Variants in MEAK7 observed in about 807,000 individuals in gnomAD.
MEAK7 encodes the protein MTOR-associated protein MEAK7.
A neutral mutation model predicts 40.5 loss-of-function variants in MEAK7; 68 were observed. The observed-to-expected ratio is 1.68, with a 90% CI of 1.38 to 2.06. MEAK7 has a LOEUF of 2.06. Among genes scored for constraint, MEAK7 ranks in the 30% most tolerant of loss-of-function variants. MEAK7 has a pLI of 0.00. For missense variants in MEAK7, 918 were observed against 580.5 expected, an observed-to-expected ratio of 1.58 and a Z score of -5.98; for synonymous variants, 338 against 231.9, an observed-to-expected ratio of 1.46 and a Z score of -4.16.
intron 5 of MEAK7, among the ~76,000 whole-genome samples, chr16:84,484,566 C>T (rs1290975118): frequency 6.6e-6 from 1 of 152,166 alleles, no homozygotes; most frequent in African/African-American, 2.4e-5. Context: ...TTTCCTCAAG[C>T]AAAAACACTC....
intron 1 of MEAK7, among the ~76,000 whole-genome samples, chr16:84,500,207 A>G (rs552434813): frequency 3.9e-4 from 60 of 152,186 alleles, no homozygotes; most frequent in African/African-American, 1.3e-3. Flanking sequence ...TTGCTTATCC[A>G]TCATTAGCTG....
In MEAK7 at chr16:84,501,105, GAA is replaced by G. The variant is rs35447624; in HGVS notation, c.-25-2996_-25-2995del. Among the ~76,000 whole-genome samples, 769 of 103,646 alleles carry G rather than the reference GAA, an allele frequency of 7.4e-3. 5 individuals are homozygous for G. Among genetic ancestry groups the G allele is most frequent in the African/African-American group, 0.019 (502 of 26,062 alleles). 68.0% of individuals were successfully genotyped at this position (103,646 alleles called of 152,430 possible). A position where few individuals can be genotyped will look rare whatever the true frequency, so the allele number is the denominator to read the frequency against. ...GTTAGACTCGTCTCAAAAAAAAAAA[GAA>G]AAAAAAAAAAAAAAAAAAGAGGGGA... On this transcript the variant is annotated intron_variant, in intron 1 of 7. Coordinates refer to ENST00000343629, the MANE Select transcript of MEAK7 (RefSeq NM_020947.4).
chr16:84,492,738 C>A (rs1043685759), intron 3 of MEAK7, among the ~76,000 whole-genome samples: 1 of 152,060 alleles, frequency 6.6e-6, no homozygotes, highest in African/African-American at 2.4e-5. Flanking sequence ...TGTGCCACCA[C>A]GCCTGGCCAA....
intron 3 of MEAK7, among the ~76,000 whole-genome samples, chr16:84,493,579 T>A (rs568333817): frequency 6.6e-6 from 1 of 152,358 alleles, no homozygotes; most frequent in South Asian, 2.1e-4. Flanking sequence ...ATTTACAGCT[T>A]TTAACAATTA....
At chr16:84,482,329 C>A (rs1250423673) in intron 6 of MEAK7, among the ~76,000 whole-genome samples, 1 of 152,228 alleles carries the variant, frequency 6.6e-6, no homozygotes. Flanking sequence ...CATCTGAGGG[C>A]CAGAAAAATG....
At position 84,479,830 on chromosome 16, in the gene MEAK7, T is replaced by G; in HGVS notation, c.*83A>C. The G allele has an allele frequency of 2.9e-6, 3 of 1,047,546 alleles. No individual in the cohort carries two copies. The highest frequency in any genetic ancestry group is 4.1e-6 in the Non-Finnish European group (3 of 729,172). 64.9% of individuals were successfully genotyped at this position (1,047,546 alleles called of 1,614,324 possible). On this transcript the variant is annotated 3_prime_UTR_variant, in exon 8 of 8. Transcript: ENST00000343629. ...GCGGTACGCTATTACAGTTAAACCA[T>G]GTGGGAGGGAAGAGGGGCTGCAGGC... is the stretch of plus-strand genomic sequence containing the variant.
intron 1 of MEAK7, among the ~76,000 whole-genome samples, chr16:84,499,684 G>A (rs577881459): frequency 3.3e-5 from 5 of 152,194 alleles, no homozygotes; most frequent in South Asian, 2.1e-4. Context: ...ACATGCCCTG[G>A]CCATCACCCG....
chr16:84,483,324 AC>A (rs1371283204), intron 5 of MEAK7, among the ~76,000 whole-genome samples: 1 of 152,006 alleles, frequency 6.6e-6, no homozygotes, highest in African/African-American at 2.4e-5. Context: ...AGACTCCTCC[AC>A]TCCATAAGCA....
intron 3 of MEAK7, among the ~76,000 whole-genome samples, chr16:84,490,106 G>A (rs1597945996): frequency 6.6e-6 from 1 of 152,192 alleles, no homozygotes; most frequent in Admixed American, 6.5e-5. Flanking sequence ...TACAAACTGT[G>A]TGAGCGTGTG....
intron 2 of MEAK7, chr16:84,497,008 A>AT: frequency 6.0e-6 from 1 of 167,570 alleles, no homozygotes; most frequent in South Asian, 1.5e-4. Flanking sequence ...CTCAGCATGT[A>AT]TTTTTCATTC....
At chr16:84,496,330 A>ATCAGACAT (rs748024724) in intron 2 of MEAK7, among the ~76,000 whole-genome samples, 3 of 152,154 alleles carry the variant, frequency 2.0e-5, no homozygotes, top group Non-Finnish European at 2.9e-5. Flanking sequence ...CCCTGTGCAA[A>ATCAGACAT]TCAGACATCG....
chr16:84,489,794 G>C (rs114268579), intron 3 of MEAK7, among the ~76,000 whole-genome samples: 4 of 152,108 alleles, frequency 2.6e-5, no homozygotes, highest in African/African-American at 9.7e-5. Flanking sequence ...TGAGATCTAA[G>C]GTTTATTTTG....
At chr16:84,498,426 G>A (rs1027939877) in intron 1 of MEAK7, among the ~76,000 whole-genome samples, 4 of 150,930 alleles carry the variant, frequency 2.7e-5, no homozygotes, top group African/African-American at 9.9e-5. Flanking sequence ...ACACCAGGAT[G>A]CCTGGCTAAT....
intron 2 of MEAK7, chr16:84,497,101 G>A (rs1045343149): frequency 1.1e-5 from 2 of 175,244 alleles, no homozygotes; most frequent in African/African-American, 2.4e-5. Context: ...ACCCAGGATG[G>A]AGTGTGGTGG....
chr16:84,502,314 G>T (rs1323785884), intron 1 of MEAK7, among the ~76,000 whole-genome samples: 3 of 147,260 alleles, frequency 2.0e-5, no homozygotes, highest in Non-Finnish European at 4.5e-5. Flanking sequence ...TTGGCATCTA[G>T]CAGGCAGAGG....
intron 6 of MEAK7, among the ~76,000 whole-genome samples, chr16:84,481,620 G>C (rs1452458169): frequency 2.6e-5 from 4 of 152,172 alleles, no homozygotes; most frequent in Non-Finnish European, 5.9e-5. Flanking sequence ...TGCAGAAACA[G>C]GGCTGGATTT....
At chr16:84,482,932 T>A (rs762838855) in intron 5 of MEAK7, among the ~76,000 whole-genome samples, 2 of 152,150 alleles carry the variant, frequency 1.3e-5, no homozygotes, top group Admixed American at 1.3e-4. Flanking sequence ...GAATGGGACA[T>A]CTTTTAGCTC....
chr16:84,498,232 C>T, intron 1 of MEAK7, 121 bp from the exon 2 acceptor site: 14 of 1,170,334 alleles, frequency 1.2e-5, no homozygotes, highest in Non-Finnish European at 1.7e-5. Context: ...GTAGCTAAAA[C>T]ACATCAGAGC....
intron 3 of MEAK7, among the ~76,000 whole-genome samples, chr16:84,492,435 T>G (rs1249718917): frequency 6.6e-6 from 1 of 152,152 alleles, no homozygotes; most frequent in Non-Finnish European, 1.5e-5. Context: ...GCTTATTGTT[T>G]GGGAAATTAA....
Sources: gnomAD v4.1 joint callset for allele counts (sites outside exome capture counted in the v4.1 genomes callset) on GRCh38, gnomAD v4.1.1 for gene constraint, MANE v1.5 for transcripts, NCBI Gene and HGNC (gene_info 2026-07-23, HGNC 2026-07-21) for gene names.